Variants in MEGF10 observed in about 807,000 individuals in gnomAD.
MEGF10 encodes multiple epidermal growth factor-like domains protein 10.
In MEGF10, 86 loss-of-function variants were observed where a neutral mutation model predicts 147.5. That is an observed-to-expected ratio of 0.58 (90% confidence interval 0.49 to 0.70). The LOEUF is 0.70. Among genes scored for constraint, MEGF10 ranks in the 30% least tolerant of loss-of-function variants. The probability of loss-of-function intolerance (pLI) is 0.00; values close to 1 mark genes in which losing one functional copy is unlikely to be tolerated. For missense variants in MEGF10, 1,329 were observed against 1,487.3 expected (o/e 0.89, Z 1.75); for synonymous variants, 478 against 525.5 (o/e 0.91, Z 1.24).
At chr5:127,239,010 G>T in the MEGF10 span, among the ~76,000 whole-genome samples, 2 of 151,662 alleles carry the variant, frequency 1.3e-5, no homozygotes, top group African/African-American at 4.9e-5. Context: ...TCACCTATGC[G>T]ATAGTACTGC....
intron 3 of MEGF10, 89 bp downstream of exon 3, chr5:127,339,310 A>G (rs771780991): frequency 2.2e-6 from 2 of 898,274 alleles, no homozygotes; most frequent in Non-Finnish European, 3.6e-6. Context: ...AAGTGCATCC[A>G]TTCATTCAGT....
At chr5:127,373,980 C>T (rs1173156582) in intron 5 of MEGF10, among the ~76,000 whole-genome samples, 1 of 152,170 alleles carries the variant, frequency 6.6e-6, no homozygotes, top group South Asian at 2.1e-4. Flanking sequence ...GGAAAAAACT[C>T]TTCATGGAAA....
the MEGF10 span, among the ~76,000 whole-genome samples, chr5:127,263,713 C>T: frequency 6.6e-6 from 1 of 152,044 alleles, no homozygotes; most frequent in Non-Finnish European, 1.5e-5. Context: ...CTGTATTTTA[C>T]TGTGTTGGTT....
the MEGF10 span, among the ~76,000 whole-genome samples, chr5:127,245,835 C>T: frequency 6.6e-5 from 10 of 152,084 alleles, no homozygotes; most frequent in Non-Finnish European, 1.5e-5. Flanking sequence ...ATTTATGCAG[C>T]CAACAAACAT....
intron 2 of MEGF10, 23 bp from the exon 3 acceptor site, chr5:127,339,097 C>A: frequency 6.7e-7 from 1 of 1,482,580 alleles, no homozygotes; most frequent in South Asian, 1.2e-5. Context: ...ATACTGATTT[C>A]TTATTTTTCC....
rs1561651689 is a variant in MEGF10, at chr5:127,445,483, A to G, written c.2518A>G (p.Asn840Asp). 6.2e-7 allele frequency: 1 copy of G among 1,614,106 alleles called. No homozygotes were observed. The highest frequency in any genetic ancestry group is 2.2e-5 in the East Asian group (1 of 44,880). ...TGGTGTTATCATAGTTGGAAATCTG[A>G]ACAGCTTAAGCCGAACCAGTACTGC... ...QAGVIIVGNL[N>D]SLSRTSTALP... is the part of the protein sequence containing the mutation. The change falls in exon 20 of 25, where the codon AAC (asparagine) becomes GAC (aspartate). Residue 840 changes from asparagine (N) to aspartate (D), a missense_variant. Asn to Asp is a conservative substitution (Grantham distance 23, BLOSUM62 1). Around this residue, in one of 3 missense-constraint regions of MEGF10, gnomAD observed 343 missense variants for 377.9 expected, o/e 0.91. Coordinates refer to ENST00000503335, the MANE Select transcript of MEGF10 (RefSeq NM_001256545.2).
intron 4 of MEGF10, 25 bp from the exon 5 acceptor site, chr5:127,369,885 A>G (rs1762789930): frequency 6.3e-7 from 1 of 1,580,496 alleles, no homozygotes. Context: ...AACTTTCTTT[A>G]TTTGATTGAT....
chr5:127,278,752 T>C, the MEGF10 span, among the ~76,000 whole-genome samples: 2 of 152,190 alleles, frequency 1.3e-5, no homozygotes, highest in East Asian at 3.8e-4. Context: ...TCTTCTCTAA[T>C]TGCTTCAGTT....
chr5:127,267,390 T>TA, the MEGF10 span, among the ~76,000 whole-genome samples: 1 of 152,156 alleles, frequency 6.6e-6, no homozygotes, highest in South Asian at 2.1e-4. Flanking sequence ...TCTCTTTTTT[T>TA]ATTGTGTCTC....
chr5:127,288,927 TTAA>T (rs1443175127), upstream of MEGF10, among the ~76,000 whole-genome samples: 2 of 152,296 alleles, frequency 1.3e-5, no homozygotes, highest in South Asian at 2.1e-4. Flanking sequence ...AGGCACAACA[TTAA>T]TGAGTTTCAA....
At chr5:127,392,764 T>A (rs1052247847) in intron 5 of MEGF10, among the ~76,000 whole-genome samples, 1 of 152,224 alleles carries the variant, frequency 6.6e-6, no homozygotes, top group Non-Finnish European at 1.5e-5. Flanking sequence ...GAAGATCCAG[T>A]TCTCTACTAG....
intron 1 of MEGF10, among the ~76,000 whole-genome samples, chr5:127,295,156 A>G (rs1281558118): frequency 6.6e-6 from 1 of 152,006 alleles, no homozygotes; most frequent in Admixed American, 6.5e-5. Context: ...GAAAGGACAC[A>G]TTCCTGAAAA....
At chr5:127,380,792 C>T (rs1011437227) in intron 5 of MEGF10, among the ~76,000 whole-genome samples, 1 of 152,180 alleles carries the variant, frequency 6.6e-6, no homozygotes, top group Non-Finnish European at 1.5e-5. Context: ...GCTGGGATTA[C>T]AGGTGTGAGC....
At chr5:127,276,242 T>A in the MEGF10 span, among the ~76,000 whole-genome samples, 1 of 152,236 alleles carries the variant, frequency 6.6e-6, no homozygotes, top group Non-Finnish European at 1.5e-5. Flanking sequence ...GCCAGAGCAC[T>A]TGCTCTTCAC....
chr5:127,385,436 C>A (rs1336880116), intron 5 of MEGF10, among the ~76,000 whole-genome samples: 2 of 152,074 alleles, frequency 1.3e-5, no homozygotes, highest in Admixed American at 1.3e-4. Context: ...CCATGCCTGG[C>A]TAATTTTTGT....
chr5:127,390,450 G>C (rs185879642), intron 5 of MEGF10, among the ~76,000 whole-genome samples: 4 of 151,928 alleles, frequency 2.6e-5, no homozygotes, highest in African/African-American at 9.7e-5. Context: ...CCAGCACGCT[G>C]GGCTAATTTT....
intron 18 of MEGF10, among the ~76,000 whole-genome samples, chr5:127,441,561 A>G (rs1208236793): frequency 1.3e-5 from 2 of 152,170 alleles, no homozygotes; most frequent in African/African-American, 4.8e-5. Flanking sequence ...AATATTGCAA[A>G]TTAGTTTATT....
chr5:127,411,089 C>T (rs1285108131), intron 9 of MEGF10, among the ~76,000 whole-genome samples: 3 of 152,188 alleles, frequency 2.0e-5, no homozygotes, highest in Non-Finnish European at 4.4e-5. Flanking sequence ...AAGTGTTTCA[C>T]ATGTGGCTGT....
intron 1 of MEGF10, 57 bp from the exon 2 acceptor site, chr5:127,331,234 G>T: frequency 2.2e-6 from 2 of 924,864 alleles, no homozygotes; most frequent in South Asian, 1.5e-5. Context: ...GTACTGAAAA[G>T]AATTCTGTGT....
Sources: allele counts gnomAD v4.1 joint callset (sites outside exome capture counted in the v4.1 genomes callset), GRCh38; gene constraint gnomAD v4.1.1; regional missense constraint gnomAD v4.1.1; transcripts MANE v1.5; gene names NCBI Gene and HGNC (gene_info 2026-07-23, HGNC 2026-07-21).